The following ANAPC10 variants were observed in gnomAD, a reference collection of about 807,000 sequenced individuals.
ANAPC10 encodes anaphase promoting complex subunit 10.
ANAPC10 carries 12 observed loss-of-function variants against 22.0 expected under a neutral mutation model. That is an observed-to-expected ratio of 0.55 (90% CI 0.35 to 0.88). The LOEUF is 0.88. ANAPC10 is among the 40% of genes least tolerant of loss of function. The probability of loss-of-function intolerance (pLI) is 0.01; values close to 1 mark genes in which losing one functional copy is unlikely to be tolerated. For synonymous variants in ANAPC10, 65 were observed against 69.5 expected (o/e 0.94, Z 0.32); for missense variants, 188 against 220.9 (o/e 0.85, Z 0.94).
At chr4:145,009,050 C>G (rs1429227235) in intron 4 of ANAPC10, among the ~76,000 whole-genome samples, 3 of 152,016 alleles carry the variant, frequency 2.0e-5, no homozygotes, top group Non-Finnish European at 4.4e-5. Context: ...TAATAACAGA[C>G]AGAGAGCCAA....
intron 2 of ANAPC10, among the ~76,000 whole-genome samples, chr4:145,092,801 T>C (rs1747890734): frequency 6.6e-6 from 1 of 152,146 alleles, no homozygotes; most frequent in African/African-American, 2.4e-5. Flanking sequence ...CTTAAGCTAC[T>C]GTAGGAGGAG....
At chr4:145,064,026 G>C (rs1297850940) in intron 4 of ANAPC10, 3 of 152,044 alleles carry the variant, frequency 2.0e-5, no homozygotes, top group Non-Finnish European at 4.4e-5. Flanking sequence ...ATTCTCTGGA[G>C]TGGTGGAAAT....
intron 2 of ANAPC10, 108 bp from the exon 3 acceptor site, chr4:145,081,858 G>T: frequency 1.2e-6 from 1 of 802,194 alleles, no homozygotes; most frequent in Non-Finnish European, 2.1e-6. Flanking sequence ...TAAACAGAAA[G>T]GTCAGAAATA....
chr4:145,040,259 C>G (rs966783135), intron 4 of ANAPC10, among the ~76,000 whole-genome samples: 3 of 152,036 alleles, frequency 2.0e-5, no homozygotes, highest in African/African-American at 7.2e-5. Flanking sequence ...AAACGATTCT[C>G]CTGCCTCAGC....
At chr4:145,000,285 T>G (rs1732321225) in intron 4 of ANAPC10, among the ~76,000 whole-genome samples, 1 of 151,290 alleles carries the variant, frequency 6.6e-6, no homozygotes, top group African/African-American at 2.4e-5. Context: ...ACCTAAAGAA[T>G]GAGAGAAAAG....
intron 4 of ANAPC10, among the ~76,000 whole-genome samples, chr4:145,009,759 T>C (rs1733995785): frequency 6.6e-6 from 1 of 152,152 alleles, no homozygotes; most frequent in South Asian, 2.1e-4. Flanking sequence ...GACATAGGCA[T>C]GGGCAAGGAC....
At chr4:145,049,927 G>A (rs1740855933) in intron 4 of ANAPC10, among the ~76,000 whole-genome samples, 2 of 152,112 alleles carry the variant, frequency 1.3e-5, no homozygotes, top group South Asian at 4.1e-4. Context: ...TCCCTCCAAT[G>A]AAGCCTTCAG....
intron 2 of ANAPC10, among the ~76,000 whole-genome samples, chr4:145,091,429 G>A (rs1332257486): frequency 6.6e-6 from 1 of 151,622 alleles, no homozygotes; most frequent in Non-Finnish European, 1.5e-5. Context: ...AGTGAAAGAT[G>A]TTCAATTTAA....
intron 4 of ANAPC10, among the ~76,000 whole-genome samples, chr4:145,016,081 A>T (rs1031764973): frequency 6.6e-6 from 1 of 152,196 alleles, no homozygotes; most frequent in African/African-American, 2.4e-5. Context: ...GCCCTCTCTC[A>T]CCACTCCTAT....
At chr4:145,015,586 G>C (rs1734992723) in intron 4 of ANAPC10, among the ~76,000 whole-genome samples, 1 of 152,036 alleles carries the variant, frequency 6.6e-6, no homozygotes, top group South Asian at 2.1e-4. Context: ...GAAGCACAAA[G>C]AACACCTGGA....
chr4:145,069,504 G>C (rs1158277515), intron 3 of ANAPC10, among the ~76,000 whole-genome samples: 3 of 152,184 alleles, frequency 2.0e-5, no homozygotes, highest in Admixed American at 1.3e-4. Flanking sequence ...TTTCCAGTGG[G>C]CACAGAGGAC....
intron 2 of ANAPC10, 77 bp from the exon 3 acceptor site, chr4:145,081,827 G>GGCCGGGCGCGGTGGCTCACGCC (rs1746065954): frequency 2.0e-6 from 2 of 1,001,614 alleles, no homozygotes; most frequent in East Asian, 4.9e-5. Flanking sequence ...ATTAACATAT[G>GGCCGGGCGCGGTGGCTCACGCC]TATTTGTCCA....
At chr4:145,051,901 T>G (rs1741157627) in intron 4 of ANAPC10, among the ~76,000 whole-genome samples, 1 of 152,216 alleles carries the variant, frequency 6.6e-6, no homozygotes, top group Admixed American at 6.5e-5. Flanking sequence ...GAGTACCTTT[T>G]AGTCAACCTC....
intron 3 of ANAPC10, among the ~76,000 whole-genome samples, chr4:145,077,107 G>A (rs1032025241): frequency 3.9e-5 from 6 of 152,198 alleles, no homozygotes; most frequent in African/African-American, 1.4e-4. Context: ...GCTGAGGCAG[G>A]AGAATGGCGT....
At chr4:145,040,307 C>A (rs1024930789) in intron 4 of ANAPC10, among the ~76,000 whole-genome samples, 1 of 152,120 alleles carries the variant, frequency 6.6e-6, no homozygotes, top group Non-Finnish European at 1.5e-5. Flanking sequence ...TGCCACCACA[C>A]CCAGCTAATT....
chr4:145,008,116 C>T (rs1308337119), intron 4 of ANAPC10, among the ~76,000 whole-genome samples: 1 of 152,036 alleles, frequency 6.6e-6, no homozygotes, highest in Non-Finnish European at 1.5e-5. Flanking sequence ...GACACATACA[C>T]CCTCCCAAGA....
chr4:145,034,107 T>C (rs1468620576), intron 4 of ANAPC10, among the ~76,000 whole-genome samples: 1 of 152,184 alleles, frequency 6.6e-6, no homozygotes, highest in Non-Finnish European at 1.5e-5. Context: ...TCTCAGCAGA[T>C]ACATATAGGT....
chr4:145,049,488 A>C (rs1415934393), intron 4 of ANAPC10, among the ~76,000 whole-genome samples: 1 of 152,108 alleles, frequency 6.6e-6, no homozygotes, highest in African/African-American at 2.4e-5. Flanking sequence ...CACACTAAAA[A>C]CTACTTTCTT....
At chr4:145,027,455 C>G (rs1465238596) in intron 4 of ANAPC10, among the ~76,000 whole-genome samples, 1 of 152,062 alleles carries the variant, frequency 6.6e-6, no homozygotes, top group Non-Finnish European at 1.5e-5. Flanking sequence ...CTATTAAAAA[C>G]TATCAAAGAA....
Sources: gnomAD v4.1 joint callset for allele counts (sites outside exome capture counted in the v4.1 genomes callset) on GRCh38, gnomAD v4.1.1 for gene constraint, MANE v1.5 for transcripts, NCBI Gene and HGNC (gene_info 2026-07-23, HGNC 2026-07-21) for gene names.